The following ST3GAL1 variants were observed in gnomAD, a reference collection of about 807,000 sequenced individuals.
ST3GAL1 encodes CMP-N-acetylneuraminate-beta-galactosamide-alpha-2,3-sialyltransferase 1.
ST3GAL1 carries 16 observed loss-of-function variants against 34.1 expected under a neutral mutation model. The observed-to-expected ratio is 0.47, with a 90% confidence interval of 0.32 to 0.71. ST3GAL1 has a LOEUF of 0.71. ST3GAL1 is among the 30% of genes least tolerant of loss of function. The pLI is 0.04. For missense variants in ST3GAL1, 353 were observed against 447.4 expected (o/e 0.79, Z 1.90); for synonymous variants, 191 against 184.7 (o/e 1.03, Z -0.28).
At chr8:133,544,865 A>T (rs765529247) in intron 2 of ST3GAL1, among the ~76,000 whole-genome samples, 1 of 152,124 alleles carries the variant, frequency 6.6e-6, no homozygotes, top group Non-Finnish European at 1.5e-5. Context: ...GCCAATAATC[A>T]TATAAAAAAC....
At chr8:133,553,106 C>A (rs1186919036) in intron 1 of ST3GAL1, among the ~76,000 whole-genome samples, 1 of 152,098 alleles carries the variant, frequency 6.6e-6, no homozygotes, top group Non-Finnish European at 1.5e-5. Context: ...GCTGACATGA[C>A]CTTGAGGCAC....
rs183636433 is a variant in ST3GAL1 at position 133,480,682 on chromosome 8, G to A, written c.-373-4082C>T. Among the ~76,000 whole-genome samples, 29 of 152,288 alleles carry A rather than the reference G, an allele frequency of 1.9e-4. No individual in the cohort carries two copies. In the East Asian group the frequency reaches 5.4e-3, roughly 28 times the overall value. On this transcript the variant is annotated intron_variant, in intron 3 of 9. Transcript: ENST00000522652. ...AGAGAAGGCAAGTGACTTATCCAAG[G>A]TCACACAGCAAAATGGTAGCAAAGG...
chr8:133,556,354 C>G lies in ST3GAL1; in HGVS notation c.-581-10428G>C, dbSNP rs1395767297. Among the ~76,000 whole-genome samples the G allele has an allele frequency of 1.3e-5, 2 of 152,210 alleles. No homozygotes were observed. Among genetic ancestry groups the G allele is most frequent in the East Asian group, 1.9e-4 (1 of 5,186 alleles). On this transcript the variant is annotated intron_variant, in intron 1 of 9. Coordinates refer to ENST00000522652, the MANE Select transcript of ST3GAL1 (RefSeq NM_173344.3). This position sits in a 1 kb window ranked among gnomAD's most constrained non-coding sequence, Gnocchi z 8.9. ...TGGTGACTCCAGAGCCTGTCTTCTC[C>G]CCCTGGCCTTGGCCTCCTGGACAGG...
intron 2 of ST3GAL1, among the ~76,000 whole-genome samples, chr8:133,530,868 A>T (rs1477894703): frequency 6.6e-6 from 1 of 152,182 alleles, no homozygotes; most frequent in Non-Finnish European, 1.5e-5. Context: ...TCAGGCAGCT[A>T]AATGAAGACA....
intron 1 of ST3GAL1, among the ~76,000 whole-genome samples, chr8:133,549,689 G>A (rs954893097): frequency 2.6e-5 from 4 of 152,168 alleles, no homozygotes; most frequent in Admixed American, 6.5e-5. Context: ...CTCGCCAGGC[G>A]TGGTGGCTCA....
At chr8:133,506,649 G>A (rs1239169575) in intron 2 of ST3GAL1, among the ~76,000 whole-genome samples, 1 of 152,038 alleles carries the variant, frequency 6.6e-6, no homozygotes, top group African/African-American at 2.4e-5. Context: ...GCCGGGCGTG[G>A]TGGTACGCAC....
chr8:133,564,867 T>C (rs769137297), intron 1 of ST3GAL1, among the ~76,000 whole-genome samples: 39 of 152,210 alleles, frequency 2.6e-4, no homozygotes, highest in Non-Finnish European at 4.3e-4. Context: ...AAACCTCCAA[T>C]TGAAACCCAG....
At chr8:133,559,050 T>TGTGTGGGTGTGTGTGCATGTGTGC (rs1563742937) in intron 1 of ST3GAL1, among the ~76,000 whole-genome samples, 5 of 152,000 alleles carry the variant, frequency 3.3e-5, no homozygotes, top group South Asian at 4.2e-4. Flanking sequence ...TGTGTGTGTG[T>TGTGTGGGTGTGTGTGCATGTGTGC]GTGTGTGTGT....
chr8:133,510,325 A>C lies in ST3GAL1; in HGVS notation c.-428-11136T>G, dbSNP rs114604732. ...GGCAACTATCAGATACGAGGCCAAT[A>C]AATATACCATCACCCCTTCACCTCA... On this transcript the variant is annotated intron_variant, in intron 2 of 9. Coordinates refer to ENST00000522652, the MANE Select transcript of ST3GAL1 (RefSeq NM_173344.3). 7.7e-3 allele frequency among the ~76,000 whole-genome samples: 1,170 copies of C among 152,312 alleles called. 24 individuals carry two copies. Among genetic ancestry groups the C allele is most frequent in the African/African-American group, 0.027 (1,108 of 41,568 alleles).
At position 133,508,010 on chromosome 8, in the gene ST3GAL1, C is replaced by G. The variant is rs1047281692; in HGVS notation, c.-428-8821G>C. The stretch of plus-strand genomic sequence containing the variant: ...CTGCCTCCCCTGGGAGGTGCCCACC[C>G]TCTCACCCCCCACACCCTAGGCAGC... On this transcript the variant is annotated intron_variant, in intron 2 of 9. Transcript: ENST00000522652. This position sits in a 1 kb window ranked among gnomAD's most constrained non-coding sequence, Gnocchi z 4.1. Among the ~76,000 whole-genome samples, 1 of 152,174 alleles carries G rather than the reference C, an allele frequency of 6.6e-6. No individual in the cohort carries two copies. Among genetic ancestry groups the G allele is most frequent in the Non-Finnish European group, 1.5e-5 (1 of 68,038 alleles).
intron 6 of ST3GAL1, 51 bp from the exon 7 acceptor site, chr8:133,465,008 C>T (rs1815681292): frequency 1.3e-6 from 2 of 1,560,916 alleles, no homozygotes; most frequent in Non-Finnish European, 1.7e-6. Flanking sequence ...CACCCGTTCT[C>T]AGACAGCCTG....
intron 2 of ST3GAL1, among the ~76,000 whole-genome samples, chr8:133,523,305 T>C (rs954881674): frequency 6.6e-6 from 1 of 152,028 alleles, no homozygotes; most frequent in African/African-American, 2.4e-5. Flanking sequence ...CATGCACACC[T>C]CTGTCCTAGC....
Position 133,464,940 on chromosome 8 carries a change from G to T in ST3GAL1, c.521C>A (p.Thr174Lys), listed in dbSNP as rs201203080. 2 of 1,613,278 alleles carry T rather than the reference G, an allele frequency of 1.2e-6. No individual in the cohort carries two copies. Among genetic ancestry groups the T allele is most frequent in the Non-Finnish European group, 1.7e-6 (2 of 1,179,524 alleles). Residue 174 changes from threonine to lysine, a missense_variant, in exon 7 of 10, where the codon ACG (threonine) becomes AAG (lysine). Transcript: ENST00000522652. ...DFVLRMNKAP[T>K]AGFEADVGTK... ...CCCAACATCAGCTTCAAACCCTGCC[G>T]TGGGCGCCTTGTTCATCCTGGGAGA... is the stretch of plus-strand genomic sequence containing the variant.
intron 1 of ST3GAL1, among the ~76,000 whole-genome samples, chr8:133,565,944 GT>G (rs1322582698): frequency 6.6e-6 from 1 of 152,228 alleles, no homozygotes; most frequent in Non-Finnish European, 1.5e-5. Context: ...CTCTCTAACA[GT>G]TGTCCCAGGT....
intron 1 of ST3GAL1, among the ~76,000 whole-genome samples, chr8:133,549,637 C>A (rs942093655): frequency 2.0e-5 from 3 of 151,942 alleles, no homozygotes; most frequent in Admixed American, 6.6e-5. Flanking sequence ...CAAATTCCAA[C>A]TGACAAGTTT....
At position 133,467,317 on chromosome 8, in the gene ST3GAL1, G is replaced by A. The variant is rs1301114927; in HGVS notation, c.307-1227C>T. Among the ~76,000 whole-genome samples, 2 of 152,182 alleles carry A rather than the reference G, an allele frequency of 1.3e-5. No individual in the cohort carries two copies. The highest frequency in any genetic ancestry group is 4.8e-5 in the African/African-American group (2 of 41,426). On this transcript the variant is annotated intron_variant, in intron 5 of 9. Coordinates refer to ENST00000522652, the MANE Select transcript of ST3GAL1 (RefSeq NM_173344.3). This position sits in a 1 kb window ranked among gnomAD's most constrained non-coding sequence, Gnocchi z 4.2. ...TGCCCAGGCCCGCCCGTCACCTCAG[G>A]TGGAGCTCTGGCCACACTATGTAGT...
At chr8:133,477,935 A>G (rs1200993370) in intron 3 of ST3GAL1, among the ~76,000 whole-genome samples, 4 of 152,162 alleles carry the variant, frequency 2.6e-5, no homozygotes, top group African/African-American at 7.2e-5. Context: ...CCAAAACCAT[A>G]TTAAATCCAC....
Position 133,467,394 on chromosome 8 carries a change from T to G in ST3GAL1, c.307-1304A>C, listed in dbSNP as rs761690054. On this transcript the variant is annotated intron_variant, in intron 5 of 9. Coordinates refer to ENST00000522652, the MANE Select transcript of ST3GAL1 (RefSeq NM_173344.3). The surrounding 1 kb of genome is among the most constrained non-coding windows in gnomAD (Gnocchi z 4.2). ...TCACTCGTGGTAAACCCTGGAGAGA[T>G]TTCATAAAAGTGTTGCATCTGACCT... 1.8e-4 allele frequency among the ~76,000 whole-genome samples: 28 copies of G among 152,210 alleles called. No homozygotes were observed. Among genetic ancestry groups the G allele is most frequent in the Admixed American group, 5.2e-4 (8 of 15,296 alleles).
chr8:133,510,145 C>T (rs532643097), intron 2 of ST3GAL1, among the ~76,000 whole-genome samples: 1 of 152,020 alleles, frequency 6.6e-6, no homozygotes, highest in South Asian at 2.1e-4. Context: ...GCTGTCCCTA[C>T]TGCATCACAC....
Sources: gnomAD v4.1 joint callset for allele counts (sites outside exome capture counted in the v4.1 genomes callset) on GRCh38, gnomAD v4.1.1 for gene constraint, Gnocchi (gnomAD v3.1) non-coding constraint, MANE v1.5 for transcripts, NCBI Gene and HGNC (gene_info 2026-07-23, HGNC 2026-07-21) for gene names.